Variants in ZFX observed in about 807,000 individuals in gnomAD.
ZFX encodes the protein zinc finger protein X-linked, also known as zinc finger X-chromosomal protein.
For missense variants in ZFX, 362 were observed against 628.3 expected (o/e 0.58, Z 4.53); for synonymous variants, 196 against 226.8 (o/e 0.86, Z 1.22).
intron 8 of ZFX, 121 bp from the exon 9 acceptor site, chrX:24,208,779 G>C: frequency 3.9e-6 from 3 of 771,098 alleles, no homozygotes; most frequent in Non-Finnish European, 5.5e-6. Flanking sequence ...ACCTAGAATG[G>C]GGAATTTCTG....
At chrX:24,195,575 CG>C (rs1367360442) in intron 5 of ZFX, among the ~76,000 whole-genome samples, 27 of 111,143 alleles carry the variant, frequency 2.4e-4, no homozygotes, top group African/African-American at 8.2e-4. Context: ...AGGATGGTCT[CG>C]GATCTCCTGA....
At chrX:24,160,880 A>G (rs1357076875) in intron 3 of ZFX, among the ~76,000 whole-genome samples, 1 of 111,800 alleles carries the variant, frequency 8.9e-6, no homozygotes, top group South Asian at 3.7e-4. Context: ...ATGATTTTTG[A>G]CATGAATTGG....
intron 3 of ZFX, among the ~76,000 whole-genome samples, chrX:24,155,273 T>C (rs954167460): frequency 2.7e-5 from 3 of 112,288 alleles, no homozygotes; most frequent in African/African-American, 9.7e-5. Flanking sequence ...TAAAAACTCT[T>C]TGTGGTTCTT....
Position 24,207,318 on chromosome X carries a change from C to CT in ZFX, c.647-3dup, listed in dbSNP as rs770911949. On this transcript the variant is annotated splice_polypyrimidine_tract_variant and splice_region_variant and intron_variant, in intron 5 of 9. Coordinates refer to ENST00000304543, the MANE Select transcript of ZFX (RefSeq NM_003410.4). Reference sequence around the variant, plus strand: ...TTACTATTTGTGATTTATTTCCTTCCTTTTTAGTGGATGATGCTGGCAAAA... The same window carrying CT: ...TTACTATTTGTGATTTATTTCCTTCCTTTTTTAGTGGATGATGCTGGCAAAA... 1.3e-5 allele frequency: 15 copies of CT among 1,192,133 alleles called. No homozygotes were observed. In the Admixed American group the frequency reaches 2.7e-4, roughly 21 times the overall value.
intron 3 of ZFX, among the ~76,000 whole-genome samples, chrX:24,157,727 CCATA>C (rs1019729387): frequency 8.9e-6 from 1 of 111,733 alleles, no homozygotes; most frequent in African/African-American, 3.3e-5. Flanking sequence ...GAAGAGCAAT[CCATA>C]GTAGGACCTT....
intron 3 of ZFX, among the ~76,000 whole-genome samples, chrX:24,154,474 G>C: frequency 8.9e-6 from 1 of 112,172 alleles, no homozygotes; most frequent in Non-Finnish European, 1.9e-5. Context: ...TCCATGTAAT[G>C]TGTTTAGTCC....
At chrX:24,201,335 A>G (rs1162651332) in intron 5 of ZFX, among the ~76,000 whole-genome samples, 31 of 112,833 alleles carry the variant, frequency 2.7e-4, no homozygotes. Context: ...ACATTTGTGA[A>G]AGCAAACAAA....
intron 5 of ZFX, among the ~76,000 whole-genome samples, chrX:24,192,019 C>T (rs1039963335): frequency 9.0e-6 from 1 of 111,705 alleles, no homozygotes; most frequent in African/African-American, 3.3e-5. Context: ...TATTAAATAG[C>T]CATCCACACA....
chrX:24,205,365 T>C lies in ZFX; in HGVS notation c.647-1961T>C, dbSNP rs139219135. Among the ~76,000 whole-genome samples the C allele has an allele frequency of 4.3e-3, 486 of 112,408 alleles. 1 individual carries two copies. The highest frequency in any genetic ancestry group is 0.018 in the Middle Eastern group (4 of 217). On this transcript the variant is annotated intron_variant, in intron 5 of 9. Transcript: ENST00000304543. ...TTTTCATTAGTCTTTGCCACACTTT[T>C]TGTTGAGCTAGACATAGCAGTGAGT...
intron 4 of ZFX, chrX:24,173,626 C>T (rs774715686): frequency 2.8e-5 from 31 of 1,094,159 alleles, no homozygotes; most frequent in Non-Finnish European, 3.7e-5. Flanking sequence ...CGTTCTGTCA[C>T]CCAGGCTGGA....
At chrX:24,171,449 G>A (rs1050367444) in intron 3 of ZFX, among the ~76,000 whole-genome samples, 1 of 111,096 alleles carries the variant, frequency 9.0e-6, no homozygotes, top group Non-Finnish European at 1.9e-5. Context: ...ATGATGATGG[G>A]AAGGTAGTTT....
intron 5 of ZFX, among the ~76,000 whole-genome samples, chrX:24,202,724 A>T (rs1295802794): frequency 8.9e-6 from 1 of 112,140 alleles, no homozygotes; most frequent in Admixed American, 9.5e-5. Flanking sequence ...AAGCTTAGTT[A>T]ACACAGTTGA....
rs925019736 is a variant in ZFX at position 24,210,363 on chromosome X, A to T, written c.1405A>T (p.Ile469Leu). 12 of 1,210,310 alleles carry T rather than the reference A, an allele frequency of 9.9e-6. No individual in the cohort carries two copies. The African/African-American group carries it at 1.9e-4, about 19-fold the overall frequency. ...CTGTGATTACACTACCAACAAGAAG[A>T]TAAGTTTACACAACCACCTGGAGAG... ...TDCDYTTNKK[I>L]SLHNHLESHK... Residue 469 changes from isoleucine to leucine, a missense_variant, in exon 10 of 10, where the codon ATA becomes TTA. Physicochemically the swap from Ile to Leu is conservative, Grantham distance 5. Transcript: ENST00000304543.
intron 5 of ZFX, among the ~76,000 whole-genome samples, chrX:24,185,935 TA>T (rs1309515035): frequency 1.4e-4 from 14 of 101,702 alleles, no homozygotes; most frequent in African/African-American, 3.5e-4. Context: ...CCCTGTTTCT[TA>T]AAAAAAAAAC....
chrX:24,159,331 C>T (rs192080534), intron 3 of ZFX, among the ~76,000 whole-genome samples: 98 of 112,368 alleles, frequency 8.7e-4, no homozygotes, highest in Middle Eastern at 4.6e-3. Flanking sequence ...CCCGGATATT[C>T]GCATATCTTT....
intron 5 of ZFX, among the ~76,000 whole-genome samples, chrX:24,205,144 G>T (rs764110114): frequency 8.9e-6 from 1 of 112,236 alleles, no homozygotes; most frequent in Non-Finnish European, 1.9e-5. Context: ...GCTTGTTGTT[G>T]CAGGTATTAC....
rs1157821336 is a variant in ZFX, at chrX:24,204,674, T to G, written c.647-2652T>G. 2.7e-5 allele frequency among the ~76,000 whole-genome samples: 3 copies of G among 112,102 alleles called. No homozygotes were observed. The East Asian group carries it at 8.4e-4, about 31-fold the overall frequency. On this transcript the variant is annotated intron_variant, in intron 5 of 9. Coordinates refer to ENST00000304543, the MANE Select transcript of ZFX (RefSeq NM_003410.4). Reference sequence around the variant, plus strand: ...AAAAATCACAGTTGCCTCTACCAATTTAAACCCCATGCTCCATATTCCAGA... The same window carrying G: ...AAAAATCACAGTTGCCTCTACCAATGTAAACCCCATGCTCCATATTCCAGA...
intron 3 of ZFX, among the ~76,000 whole-genome samples, chrX:24,153,654 C>G (rs1265823104): frequency 8.9e-6 from 1 of 111,771 alleles, no homozygotes; most frequent in Non-Finnish European, 1.9e-5. Context: ...CAGAAACTCT[C>G]TGTGCCTTCT....
In ZFX at chrX:24,173,468, A is replaced by G. The variant is rs1472860253; in HGVS notation, c.58+668A>G. The G allele has an allele frequency of 8.7e-6, 8 of 919,904 alleles. 1 individual carries two copies. The African/African-American group carries it at 1.6e-4, about 19-fold the overall frequency. 75.8% of individuals were successfully genotyped at this position (919,904 alleles called of 1,213,427 possible). A position where few individuals can be genotyped will look rare whatever the true frequency, so the allele number is the denominator to read the frequency against. The stretch of plus-strand genomic sequence containing the variant: ...GAGTCTTCACTCCCCATAGTGTACA[A>G]GGAAAAATTATACTCAGGAAGTTCT... On this transcript the variant is annotated intron_variant, in intron 4 of 9. Transcript: ENST00000304543.
Sources: gnomAD v4.1 joint callset for allele counts (sites outside exome capture counted in the v4.1 genomes callset) on GRCh38, gnomAD v4.1.1 for gene constraint, MANE v1.5 for transcripts, NCBI Gene and HGNC (gene_info 2026-07-23, HGNC 2026-07-21) for gene names.